Variants in UNC80 observed in about 807,000 individuals in gnomAD.
UNC80 encodes the protein unc-80 subunit of NALCN channel complex, also known as protein unc-80 homolog.
In UNC80, 164 loss-of-function variants were observed where a neutral mutation model predicts 384.6. The observed-to-expected ratio is 0.43, with a 90% confidence interval of 0.38 to 0.49. The LOEUF (loss-of-function observed/expected upper bound fraction) is 0.49, where lower values mean the gene tolerates loss of function less well. UNC80 is among the 20% of genes least tolerant of loss of function. The pLI is 0.00. For missense variants in UNC80, 3,330 were observed against 4,143.0 expected (o/e 0.80, Z 5.39); for synonymous variants, 1,486 against 1,527.8 (o/e 0.97, Z 0.64).
chr2:209,978,448 A>G, intron 58 of UNC80, 81 bp from the exon 59 acceptor site: 2 of 1,242,978 alleles, frequency 1.6e-6, no homozygotes, highest in Admixed American at 2.8e-5. Context: ...TTCCTAAAAA[A>G]TACAAGTGGT....
At position 209,936,943 on chromosome 2, in the gene UNC80, CAGT is replaced by C; in HGVS notation, c.6363+14_6363+16del. 6.6e-7 allele frequency: 1 copy of C among 1,512,824 alleles called. No homozygotes were observed. Among genetic ancestry groups the C allele is most frequent in the African/African-American group, 1.4e-5 (1 of 72,322 alleles). The allele number at this position is 1,512,824 out of a possible 1,614,324, so 93.7% of individuals were successfully genotyped here. Reference sequence around the variant, plus strand: ...TATCCACTACAATAAGGTGAGACACCAGTAGTGACATCCCCGTTGAGTTGTGCC... The same window carrying C: ...TATCCACTACAATAAGGTGAGACACCAGTGACATCCCCGTTGAGTTGTGCC... On this transcript the variant is annotated intron_variant, in intron 41 of 64. Coordinates refer to ENST00000673920, the MANE Select transcript of UNC80 (RefSeq NM_001371986.1).
intron 22 of UNC80, among the ~76,000 whole-genome samples, chr2:209,864,970 G>C (rs999718375): frequency 1.3e-5 from 2 of 152,208 alleles, no homozygotes; most frequent in African/African-American, 4.8e-5. Flanking sequence ...GGCTCTGGTG[G>C]CGTGAGTTCG....
intron 27 of UNC80, among the ~76,000 whole-genome samples, chr2:209,896,004 CTCAA>C (rs1201329064): frequency 2.6e-5 from 4 of 152,166 alleles, no homozygotes. Context: ...TTTGGGCGCA[CTCAA>C]TCAATAACTG....
chr2:209,930,145 A>C (rs373477068), intron 37 of UNC80, among the ~76,000 whole-genome samples, 174 bp downstream of exon 37: 97 of 152,196 alleles, frequency 6.4e-4, no homozygotes, highest in African/African-American at 2.3e-3. Context: ...TGCTGTTTTT[A>C]ATTTCTCCAT....
Position 209,849,582 on chromosome 2 carries a change from A to C in UNC80, c.3586A>C (p.Thr1196Pro). ...TCTGTTAAACTGCTGTGAGCCAGGG[A>C]CAATTCCTGATGCCTCCATCCTAGC... The part of the protein sequence containing the change: ...QFLLNCCEPG[T>P]IPDASILAAA... Residue 1196 changes from threonine to proline, a missense_variant, in exon 22 of 65, where the codon ACA becomes CCA. By Grantham distance (38) the Thr-to-Pro change is conservative. This residue lies in a region of UNC80 where 801 missense variants were observed against 950.8 expected (regional missense o/e 0.84). Coordinates refer to ENST00000673920, the MANE Select transcript of UNC80 (RefSeq NM_001371986.1). 1.3e-6 allele frequency: 2 copies of C among 1,550,956 alleles called. No homozygotes were observed. The highest frequency in any genetic ancestry group is 1.7e-6 in the Non-Finnish European group (2 of 1,146,514).
chr2:209,918,569 C>A lies in UNC80; in HGVS notation c.5249C>A (p.Pro1750Gln). ...AGTATCAATTTCACCCTTCCCTCGC[C>A]GGTGCTTGGAATGCCATCCGTCCCA... The part of the protein sequence containing the change: ...PPSINFTLPS[P>Q]VLGMPSVPMF... The change falls in exon 33 of 65, where the codon CCG becomes CAG. Residue 1750 changes from proline (P) to glutamine (Q), a missense_variant. Physicochemically the swap from Pro to Gln is moderately conservative, Grantham distance 76. Around this residue, in one of 8 missense-constraint regions of UNC80, gnomAD observed 1,049 missense variants for 1,488.6 expected, o/e 0.70. Transcript: ENST00000673920. The A allele has an allele frequency of 6.4e-7, 1 of 1,552,218 alleles. No homozygotes were observed. Among genetic ancestry groups the A allele is most frequent in the Non-Finnish European group, 8.7e-7 (1 of 1,147,084 alleles).
chr2:209,822,384 TGA>T (rs2080199449), intron 13 of UNC80, among the ~76,000 whole-genome samples: 1 of 152,184 alleles, frequency 6.6e-6, no homozygotes, highest in South Asian at 2.1e-4. Context: ...AATCATTCAG[TGA>T]TCAGTTACTT....
chr2:209,996,946 CT>C lies in UNC80; in HGVS notation c.*1354del, dbSNP rs896117119. Reference sequence around the variant, plus strand: ...TCCTCAAGATGAAGTTAAATATAGACTTTAATTACCCTGCAATGAATTTAAA... The same window carrying C: ...TCCTCAAGATGAAGTTAAATATAGACTTAATTACCCTGCAATGAATTTAAA... On this transcript the variant is annotated 3_prime_UTR_variant, in exon 65 of 65. Transcript: ENST00000673920. 5 of 152,180 alleles carry C rather than the reference CT, an allele frequency of 3.3e-5. No individual in the cohort carries two copies. The highest frequency in any genetic ancestry group is 3.3e-4 in the Admixed American group (5 of 15,286). 9.4% of individuals were successfully genotyped at this position (152,180 alleles called of 1,614,324 possible).
Position 209,976,982 on chromosome 2 carries a change from C to T in UNC80, c.8842C>T (p.Arg2948Trp), listed in dbSNP as rs1401943178. The T allele has an allele frequency of 6.5e-7, 1 of 1,536,662 alleles. No homozygotes were observed. Among genetic ancestry groups the T allele is most frequent in the Non-Finnish European group, 8.8e-7 (1 of 1,134,542 alleles). ...GCAACATATTGCCGACCAGCTGGAG[C>T]GGCGCTTCATACCACGCCCTTTGTG... Reference protein sequence around the residue: ...ARQHIADQLERRFIPRPLCKS... With the variant: ...ARQHIADQLEWRFIPRPLCKS... The change falls in exon 58 of 65, where the codon CGG becomes TGG. Residue 2948 changes from arginine to tryptophan, a missense_variant. Around this residue, in one of 8 missense-constraint regions of UNC80, gnomAD observed 216 missense variants for 245.3 expected, o/e 0.88. Coordinates refer to ENST00000673920, the MANE Select transcript of UNC80 (RefSeq NM_001371986.1). The surrounding 1 kb of genome is among the most constrained non-coding windows in gnomAD (Gnocchi z 4.3).
chr2:209,909,816 C>G (rs2088703063), intron 29 of UNC80, among the ~76,000 whole-genome samples: 1 of 152,054 alleles, frequency 6.6e-6, no homozygotes, highest in South Asian at 2.1e-4. Flanking sequence ...TCTACCCTAT[C>G]CCATAGCAGG....
intron 38 of UNC80, among the ~76,000 whole-genome samples, chr2:209,931,989 A>G (rs895049019): frequency 6.6e-6 from 1 of 152,202 alleles, no homozygotes; most frequent in African/African-American, 2.4e-5. Context: ...GGAGTTGGGA[A>G]GAAAAAAGAC....
At position 209,894,220 on chromosome 2, in the gene UNC80, G is replaced by A. The variant is rs928118245; in HGVS notation, c.4334G>A (p.Arg1445His). ...CGCCTGCTCCAGATTAAAGGAACCC[G>A]CAGTTTCCAGGTGAAGAAGGGGGGT... The part of the protein sequence containing the change: ...GSRLLQIKGT[R>H]SFQVKKGGSL... Residue 1445 changes from arginine (R) to histidine (H), a missense_variant, in exon 27 of 65, where the codon CGC becomes CAC. Transcript: ENST00000673920. 97 of 985,404 alleles carry A rather than the reference G, an allele frequency of 9.8e-5. No individual in the cohort carries two copies. The highest frequency in any genetic ancestry group is 9.2e-4 in the Admixed American group (15 of 16,274). The allele number at this position is 985,404 out of a possible 1,614,324, so 61.0% of individuals were successfully genotyped here.
intron 7 of UNC80, among the ~76,000 whole-genome samples, chr2:209,813,169 A>C (rs919117803): frequency 2.0e-5 from 3 of 152,186 alleles, no homozygotes; most frequent in African/African-American, 7.2e-5. Flanking sequence ...AAGCATTTTA[A>C]TCTGAACCTC....
Position 209,937,552 on chromosome 2 carries a change from T to C in UNC80, c.6387T>C (p.Pro2129=). The change falls in exon 42 of 65, where the codon CCT becomes CCC. Residue 2129 remains proline (P), a synonymous_variant. Coordinates refer to ENST00000673920, the MANE Select transcript of UNC80 (RefSeq NM_001371986.1). The stretch of plus-strand genomic sequence containing the variant: ...AGACCTATGTTCGAGATATTTATCC[T>C]TTCCGGAGGTCAGTATCTCCCCAGC... The part of the protein sequence containing the change: ...YNKTYVRDIY[P]FRRSVSPQLN... 6.4e-7 allele frequency: 1 copy of C among 1,551,432 alleles called. No individual in the cohort carries two copies. Among genetic ancestry groups the C allele is most frequent in the Non-Finnish European group, 8.7e-7 (1 of 1,146,616 alleles).
chr2:209,857,253 T>G (rs1030158189), intron 22 of UNC80, among the ~76,000 whole-genome samples: 1 of 152,218 alleles, frequency 6.6e-6, no homozygotes, highest in Non-Finnish European at 1.5e-5. Flanking sequence ...GATTTATACT[T>G]GGAATTGCAT....
chr2:209,945,359 T>C (rs927658980), intron 46 of UNC80, among the ~76,000 whole-genome samples, 170 bp downstream of exon 46: 1 of 152,224 alleles, frequency 6.6e-6, no homozygotes, highest in African/African-American at 2.4e-5. Context: ...ACATTTTTTT[T>C]CTTAAATTTC....
chr2:209,773,858 A>C (rs1190890045), intron 2 of UNC80, among the ~76,000 whole-genome samples: 5 of 152,244 alleles, frequency 3.3e-5, no homozygotes, highest in Non-Finnish European at 7.3e-5. Flanking sequence ...TGAAAATAAT[A>C]CTGTTAATAT....
At chr2:209,868,405 T>C (rs1448058271) in intron 22 of UNC80, among the ~76,000 whole-genome samples, 16 of 152,212 alleles carry the variant, frequency 1.1e-4, no homozygotes, top group Admixed American at 1.0e-3. Flanking sequence ...TCAAGATTTC[T>C]TCGCACATTG....
chr2:209,917,818 G>A lies in UNC80; in HGVS notation c.5071G>A (p.Val1691Met), dbSNP rs540915815. 9.7e-6 allele frequency: 15 copies of A among 1,552,004 alleles called. No individual in the cohort carries two copies. Among genetic ancestry groups the A allele is most frequent in the South Asian group, 3.6e-5 (3 of 84,066 alleles). ...LLCAVKVPEA[V>M]SDMLMSEFHH... Reference sequence around the variant, plus strand: ...GTGTGCAGTGAAGGTGCCTGAGGCCGTGTCCGACATGCTGATGTCAGAGTT... The same window carrying A: ...GTGTGCAGTGAAGGTGCCTGAGGCCATGTCCGACATGCTGATGTCAGAGTT... Residue 1691 changes from valine to methionine, a missense_variant, in exon 32 of 65, where the codon GTG (valine) becomes ATG (methionine). Coordinates refer to ENST00000673920, the MANE Select transcript of UNC80 (RefSeq NM_001371986.1).
Sources: gnomAD v4.1 joint callset for allele counts (sites outside exome capture counted in the v4.1 genomes callset) on GRCh38, gnomAD v4.1.1 for gene constraint, gnomAD v4.1.1 regional missense constraint, Gnocchi (gnomAD v3.1) non-coding constraint, MANE v1.5 for transcripts, NCBI Gene and HGNC (gene_info 2026-07-23, HGNC 2026-07-21) for gene names.